HCN1: variants seen among roughly 807,000 people sequenced by gnomAD.
HCN1 encodes the protein hyperpolarization activated cyclic nucleotide gated potassium channel 1.
A neutral mutation model predicts 78.9 loss-of-function variants in HCN1; 13 were observed. The observed-to-expected ratio is 0.16, with a 90% confidence interval of 0.11 to 0.26. The LOEUF (loss-of-function observed/expected upper bound fraction) is 0.26, where lower values mean the gene tolerates loss of function less well. HCN1 is among the 10% of genes least tolerant of loss of function. The pLI, the probability that HCN1 is intolerant of heterozygous loss-of-function variation, is 1.00. For synonymous variants in HCN1, 552 were observed against 455.5 expected, an observed-to-expected ratio of 1.21 and a Z score of -2.70; for missense variants, 810 against 1,154.3, an observed-to-expected ratio of 0.70 and a Z score of 4.32.
chr5:45,490,252 G>C (rs1307155524), intron 2 of HCN1, among the ~76,000 whole-genome samples: 2 of 152,096 alleles, frequency 1.3e-5, no homozygotes, highest in African/African-American at 4.8e-5. Context: ...AGGTTAGTCA[G>C]GAGTCAGATC....
At chr5:45,665,761 G>C (rs1746032384) in intron 1 of HCN1, among the ~76,000 whole-genome samples, 1 of 152,060 alleles carries the variant, frequency 6.6e-6, no homozygotes, top group Non-Finnish European at 1.5e-5. Context: ...GATTAAAAGA[G>C]AAATACCAAC....
chr5:45,272,679 T>G (rs183336411), intron 6 of HCN1, among the ~76,000 whole-genome samples: 10 of 152,228 alleles, frequency 6.6e-5, no homozygotes, highest in Admixed American at 5.9e-4. Context: ...ACGTACTTTC[T>G]TTGAGGAACA....
At chr5:45,548,712 G>C (rs1398208465) in intron 2 of HCN1, among the ~76,000 whole-genome samples, 2 of 152,136 alleles carry the variant, frequency 1.3e-5, no homozygotes, top group Non-Finnish European at 2.9e-5. Flanking sequence ...AATTGTCCCT[G>C]TTTGCAGATG....
chr5:45,568,230 C>T (rs914644933), intron 2 of HCN1, among the ~76,000 whole-genome samples: 3 of 151,658 alleles, frequency 2.0e-5, no homozygotes, highest in African/African-American at 7.3e-5. Context: ...CACAAATTAC[C>T]CTTAGCTCAA....
At chr5:45,339,544 G>A (rs1746532222) in intron 5 of HCN1, among the ~76,000 whole-genome samples, 1 of 152,166 alleles carries the variant, frequency 6.6e-6, no homozygotes, top group South Asian at 2.1e-4. Context: ...TCATATGAAG[G>A]AGTTTGGGTG....
intron 1 of HCN1, among the ~76,000 whole-genome samples, chr5:45,688,349 C>G (rs1346940370): frequency 6.6e-6 from 1 of 152,024 alleles, no homozygotes; most frequent in African/African-American, 2.4e-5. Flanking sequence ...CCAGTTCTTA[C>G]TATCTATCTA....
At chr5:45,622,078 C>T (rs1004524837) in intron 2 of HCN1, among the ~76,000 whole-genome samples, 1 of 151,936 alleles carries the variant, frequency 6.6e-6, no homozygotes, top group Non-Finnish European at 1.5e-5. Flanking sequence ...AAAAATTAGC[C>T]AGACGTGGTG....
chr5:45,350,543 G>A (rs2111979308), intron 5 of HCN1, among the ~76,000 whole-genome samples: 1 of 151,228 alleles, frequency 6.6e-6, no homozygotes, highest in East Asian at 1.9e-4. Flanking sequence ...GGCAGGAGAA[G>A]GAAATAAAGG....
At position 45,463,233 on chromosome 5, in the gene HCN1, C is replaced by T. The variant is rs185685981; in HGVS notation, c.850-1226G>A. Among the ~76,000 whole-genome samples the T allele has an allele frequency of 1.5e-3, 234 of 152,066 alleles. 2 individuals carry two copies. The highest frequency in any genetic ancestry group is 9.6e-3 in the Admixed American group (146 of 15,254). On this transcript the variant is annotated intron_variant, in intron 2 of 7. Transcript: ENST00000303230. ...ATATCTATAATTCTTAAAATACACACACTGAAGTACTCAGAGGTAAAATGA... is the reference window on the plus strand; with the variant it reads ...ATATCTATAATTCTTAAAATACACATACTGAAGTACTCAGAGGTAAAATGA...
chr5:45,570,579 C>T (rs1249911539), intron 2 of HCN1, among the ~76,000 whole-genome samples: 1 of 152,138 alleles, frequency 6.6e-6, no homozygotes, highest in African/African-American at 2.4e-5. Context: ...ATCTTTAATA[C>T]TCAATATCTA....
At chr5:45,485,994 T>A (rs1030005804) in intron 2 of HCN1, among the ~76,000 whole-genome samples, 2 of 152,168 alleles carry the variant, frequency 1.3e-5, no homozygotes, top group Non-Finnish European at 2.9e-5. Context: ...TTATGCACTA[T>A]CAGTATATTA....
chr5:45,690,890 C>T (rs986388466), intron 1 of HCN1, among the ~76,000 whole-genome samples: 18 of 151,950 alleles, frequency 1.2e-4, no homozygotes, highest in Non-Finnish European at 2.2e-4. Context: ...AAGTTCTTTT[C>T]CGGAGCCCAA....
intron 6 of HCN1, among the ~76,000 whole-genome samples, chr5:45,290,809 T>C (rs1203369172): frequency 1.3e-5 from 2 of 151,914 alleles, no homozygotes; most frequent in Non-Finnish European, 2.9e-5. Flanking sequence ...ATATCTTTTA[T>C]ATAAATGCTG....
At chr5:45,636,866 T>C (rs1745365740) in intron 2 of HCN1, among the ~76,000 whole-genome samples, 1 of 152,106 alleles carries the variant, frequency 6.6e-6, no homozygotes, top group African/African-American at 2.4e-5. Context: ...TGCATAATAG[T>C]ATTTATAATT....
intron 6 of HCN1, among the ~76,000 whole-genome samples, chr5:45,272,028 ACT>A (rs1206630480): frequency 1.2e-4 from 19 of 152,120 alleles, no homozygotes; most frequent in South Asian, 8.3e-4. Flanking sequence ...AAGCCTCCAT[ACT>A]CTGTTTCTAG....
chr5:45,543,716 G>T (rs1743149682), intron 2 of HCN1, among the ~76,000 whole-genome samples: 1 of 151,974 alleles, frequency 6.6e-6, no homozygotes, highest in African/African-American at 2.4e-5. Flanking sequence ...TAGAAATGCT[G>T]GCACCATTTT....
intron 2 of HCN1, among the ~76,000 whole-genome samples, chr5:45,517,243 GAC>G (rs1491411516): frequency 6.6e-6 from 1 of 151,786 alleles, no homozygotes; most frequent in Non-Finnish European, 1.5e-5. Context: ...TCTCTAATCA[GAC>G]ACAATTTCTA....
chr5:45,373,020 T>C (rs927280919), intron 4 of HCN1, among the ~76,000 whole-genome samples: 1 of 137,266 alleles, frequency 7.3e-6, no homozygotes, highest in Admixed American at 8.0e-5. Context: ...AAAATATATA[T>C]ATTTTACATA....
chr5:45,633,226 G>A (rs755336872), intron 2 of HCN1, among the ~76,000 whole-genome samples: 16 of 152,070 alleles, frequency 1.1e-4, no homozygotes, highest in Middle Eastern at 3.4e-3. Context: ...TGATTTGAAT[G>A]CAAATGAATG....
Sources: gnomAD v4.1 joint callset for allele counts (sites outside exome capture counted in the v4.1 genomes callset) on GRCh38, gnomAD v4.1.1 for gene constraint, MANE v1.5 for transcripts, NCBI Gene and HGNC (gene_info 2026-07-23, HGNC 2026-07-21) for gene names.